Variants in SCFD2 observed in about 807,000 individuals in gnomAD.
SCFD2 encodes the protein sec1 family domain-containing protein 2.
A neutral mutation model predicts 58.9 loss-of-function variants in SCFD2; 54 were observed. The observed-to-expected ratio is 0.92, with a 90% confidence interval of 0.74 to 1.15. The LOEUF is 1.15. Among genes scored for constraint, SCFD2 ranks in the 50% most tolerant of loss-of-function variants. The pLI is 0.00. For missense variants in SCFD2, 805 were observed against 836.6 expected (o/e 0.96, Z 0.47); for synonymous variants, 321 against 335.9 (o/e 0.96, Z 0.49).
chr4:53,308,644 T>C (rs1012031684), intron 3 of SCFD2, among the ~76,000 whole-genome samples: 2 of 152,156 alleles, frequency 1.3e-5, no homozygotes, highest in Admixed American at 6.5e-5. Flanking sequence ...CTGGATGAAT[T>C]CACATATCAA....
intron 6 of SCFD2, among the ~76,000 whole-genome samples, chr4:52,913,240 T>C (rs570548415): frequency 5.7e-4 from 87 of 152,250 alleles, no homozygotes; most frequent in African/African-American, 2.0e-3. Context: ...GTTCGTGGCC[T>C]GTTAGGAACC....
intron 4 of SCFD2, among the ~76,000 whole-genome samples, chr4:53,273,131 A>AT (rs1731226251): frequency 6.6e-6 from 1 of 152,188 alleles, no homozygotes; most frequent in South Asian, 2.1e-4. Flanking sequence ...TCCATGATAA[A>AT]TATGAAAATA....
At position 52,971,417 on chromosome 4, in the gene SCFD2, T is replaced by C. The variant is rs529350251; in HGVS notation, c.1562-50547A>G. On this transcript the variant is annotated intron_variant, in intron 5 of 8. Coordinates refer to ENST00000401642, the MANE Select transcript of SCFD2 (RefSeq NM_152540.4). Reference sequence around the variant, plus strand: ...GATCAACTGGAAGAAAGGGTATCAGTGATGGAAAATCAAATGAATGAAATG... The same window carrying C: ...GATCAACTGGAAGAAAGGGTATCAGCGATGGAAAATCAAATGAATGAAATG... Among the ~76,000 whole-genome samples, 15 of 152,214 alleles carry C rather than the reference T, an allele frequency of 9.9e-5. No individual in the cohort carries two copies. The South Asian group carries it at 2.5e-3, about 25-fold the overall frequency.
chr4:53,007,614 T>A (rs1287048387), intron 5 of SCFD2, among the ~76,000 whole-genome samples: 1 of 152,112 alleles, frequency 6.6e-6, no homozygotes, highest in Non-Finnish European at 1.5e-5. Context: ...TCTCTATGTG[T>A]CAGCATCTGT....
At chr4:53,200,487 G>C (rs1226674181) in intron 4 of SCFD2, among the ~76,000 whole-genome samples, 2 of 151,954 alleles carry the variant, frequency 1.3e-5, no homozygotes, top group Non-Finnish European at 2.9e-5. Context: ...GATACAATCA[G>C]ATTTGAAAGG....
At chr4:53,335,412 T>A (rs1295050098) in intron 2 of SCFD2, among the ~76,000 whole-genome samples, 4 of 152,148 alleles carry the variant, frequency 2.6e-5, no homozygotes, top group African/African-American at 9.7e-5. Flanking sequence ...TAAGAGGGAA[T>A]GACAAGTGAA....
At chr4:53,357,743 C>T (rs528616128) in intron 1 of SCFD2, among the ~76,000 whole-genome samples, 1 of 152,278 alleles carries the variant, frequency 6.6e-6, no homozygotes, top group East Asian at 1.9e-4. Flanking sequence ...GAAAAAAAAT[C>T]AGACACTTTT....
chr4:53,238,733 G>A (rs1577881525), intron 4 of SCFD2, among the ~76,000 whole-genome samples: 1 of 147,144 alleles, frequency 6.8e-6, no homozygotes, highest in African/African-American at 2.5e-5. Flanking sequence ...GGGCGGCGGG[G>A]CAGAGGCGCT....
At chr4:53,032,355 T>C (rs773350393) in intron 5 of SCFD2, among the ~76,000 whole-genome samples, 10 of 152,128 alleles carry the variant, frequency 6.6e-5, no homozygotes, top group Middle Eastern at 3.2e-3. Flanking sequence ...GTAAAGACCA[T>C]TGACACTATG....
intron 2 of SCFD2, among the ~76,000 whole-genome samples, chr4:53,333,445 G>A (rs377762663): frequency 0.066 from 8,771 of 132,514 alleles, 299 homozygotes; most frequent in East Asian, 0.16. Context: ...AAATAATGCC[G>A]CATATCTACA....
intron 5 of SCFD2, among the ~76,000 whole-genome samples, chr4:52,975,636 G>C (rs1721238080): frequency 6.6e-6 from 1 of 152,122 alleles, no homozygotes; most frequent in Non-Finnish European, 1.5e-5. Flanking sequence ...GGATCCAGAA[G>C]TAGAAATACC....
At chr4:53,063,893 C>A (rs1723584028) in intron 5 of SCFD2, among the ~76,000 whole-genome samples, 1 of 152,036 alleles carries the variant, frequency 6.6e-6, no homozygotes, top group South Asian at 2.1e-4. Context: ...TTTTTTCTAG[C>A]TAAGCTCAAG....
At chr4:53,008,973 GC>G (rs557647926) in intron 5 of SCFD2, among the ~76,000 whole-genome samples, 169 of 152,274 alleles carry the variant, frequency 1.1e-3, no homozygotes, top group African/African-American at 3.5e-3. Flanking sequence ...ACAATCTAAA[GC>G]CTGATGTGGA....
intron 2 of SCFD2, among the ~76,000 whole-genome samples, chr4:53,342,557 A>G (rs1185390762): frequency 3.3e-5 from 5 of 152,218 alleles, no homozygotes; most frequent in Admixed American, 2.0e-4. Flanking sequence ...AACGAGACAG[A>G]AAGTTAACAA....
intron 3 of SCFD2, among the ~76,000 whole-genome samples, chr4:53,298,529 G>C (rs912264181): frequency 6.6e-6 from 1 of 152,210 alleles, no homozygotes; most frequent in Non-Finnish European, 1.5e-5. Flanking sequence ...GCAGGGCTCA[G>C]ACAAACAAAA....
chr4:53,219,065 C>A (rs1210684642), intron 4 of SCFD2, among the ~76,000 whole-genome samples: 2 of 152,196 alleles, frequency 1.3e-5, no homozygotes, highest in Admixed American at 6.5e-5. Context: ...GGTGCCTCCC[C>A]TTTAGGCTAC....
intron 4 of SCFD2, among the ~76,000 whole-genome samples, chr4:53,179,335 G>GAA (rs1301004248): frequency 6.6e-6 from 1 of 152,070 alleles, no homozygotes; most frequent in East Asian, 1.9e-4. Context: ...AAGAGAGTGG[G>GAA]GACCAATATT....
At chr4:53,255,353 C>A (rs1301666078) in intron 4 of SCFD2, among the ~76,000 whole-genome samples, 2 of 152,088 alleles carry the variant, frequency 1.3e-5, no homozygotes, top group East Asian at 3.9e-4. Context: ...GGCAGAGGAC[C>A]CTGCGGCCTT....
At chr4:53,078,439 A>G (rs531653315) in intron 5 of SCFD2, among the ~76,000 whole-genome samples, 19 of 152,228 alleles carry the variant, frequency 1.2e-4, no homozygotes, top group Non-Finnish European at 2.1e-4. Flanking sequence ...TCAATTTTAA[A>G]GATTTCACTT....
Sources: gnomAD v4.1 joint callset for allele counts (sites outside exome capture counted in the v4.1 genomes callset) on GRCh38, gnomAD v4.1.1 for gene constraint, MANE v1.5 for transcripts, NCBI Gene and HGNC (gene_info 2026-07-23, HGNC 2026-07-21) for gene names.